NBEA: variants seen among roughly 807,000 people sequenced by gnomAD.
The protein encoded by NBEA is lysosomal-trafficking regulator 2.
NBEA carries 44 observed loss-of-function variants against 343.4 expected under a neutral mutation model. The ratio of observed to expected loss-of-function variants is 0.13; its 90% confidence interval spans 0.10 to 0.16. The LOEUF (loss-of-function observed/expected upper bound fraction) is 0.16, where lower values mean the gene tolerates loss of function less well. Ranked by LOEUF, NBEA falls within the 10% of genes least tolerant of loss-of-function variation. The pLI, the probability that NBEA is intolerant of heterozygous loss-of-function variation, is 1.00. For missense variants in NBEA, 2,555 were observed against 3,631.3 expected (o/e 0.70, Z 7.62); for synonymous variants, 1,175 against 1,238.7 (o/e 0.95, Z 1.08).
chr13:35,264,742 C>T (rs1246046420), intron 34 of NBEA, among the ~76,000 whole-genome samples: 4 of 151,708 alleles, frequency 2.6e-5, no homozygotes, highest in Non-Finnish European at 4.4e-5. Context: ...AGGAATATAC[C>T]TCAACACAAT....
At chr13:35,502,091 A>G (rs1451736533) in intron 41 of NBEA, among the ~76,000 whole-genome samples, 1 of 152,142 alleles carries the variant, frequency 6.6e-6, no homozygotes, top group African/African-American at 2.4e-5. Flanking sequence ...AGTGGAGTGG[A>G]GAGATGGACA....
At chr13:34,968,082 T>TA (rs1409643113) in intron 1 of NBEA, among the ~76,000 whole-genome samples, 2 of 152,042 alleles carry the variant, frequency 1.3e-5, no homozygotes, top group Non-Finnish European at 2.9e-5. Flanking sequence ...GTGCTACACT[T>TA]ACAATTACAG....
At chr13:35,436,703 G>A (rs1449526505) in intron 39 of NBEA, among the ~76,000 whole-genome samples, 3 of 128,674 alleles carry the variant, frequency 2.3e-5, no homozygotes, top group African/African-American at 8.8e-5. Context: ...GGGAGACTCC[G>A]TCTCAAAAAA....
chr13:35,430,037 A>C (rs905960547), intron 38 of NBEA, among the ~76,000 whole-genome samples: 4 of 152,134 alleles, frequency 2.6e-5, no homozygotes, highest in Non-Finnish European at 5.9e-5. Context: ...AGGAATCTCC[A>C]CACTGTTTTT....
intron 4 of NBEA, among the ~76,000 whole-genome samples, chr13:35,047,201 TTGTGTGTGTG>T (rs139134555): frequency 9.5e-5 from 14 of 148,068 alleles, no homozygotes; most frequent in South Asian, 8.6e-4. Context: ...TCATTTGAAA[TTGTGTGTGTG>T]TGTGTGTGTG....
At chr13:35,072,658 T>A (rs888799655) in intron 10 of NBEA, among the ~76,000 whole-genome samples, 2 of 152,098 alleles carry the variant, frequency 1.3e-5, no homozygotes, top group Non-Finnish European at 2.9e-5. Flanking sequence ...GCTTCCCAGA[T>A]TCAAGCAATT....
intron 41 of NBEA, among the ~76,000 whole-genome samples, chr13:35,525,748 T>C (rs1241868094): frequency 6.6e-6 from 1 of 152,180 alleles, no homozygotes; most frequent in Non-Finnish European, 1.5e-5. Context: ...TGCTTATAGT[T>C]GTGGAGGCTG....
At chr13:34,997,475 C>G (rs188235315) in intron 1 of NBEA, among the ~76,000 whole-genome samples, 65 of 152,242 alleles carry the variant, frequency 4.3e-4, no homozygotes, top group African/African-American at 1.5e-3. Context: ...TCTAGACCAG[C>G]AAGCTAATAT....
chr13:35,421,483 T>C (rs1163966625), intron 38 of NBEA, among the ~76,000 whole-genome samples: 1 of 152,050 alleles, frequency 6.6e-6, no homozygotes, highest in Non-Finnish European at 1.5e-5. Context: ...TATAATATAG[T>C]TATCTTAAAT....
At chr13:35,318,057 T>G (rs950181519) in intron 36 of NBEA, among the ~76,000 whole-genome samples, 2 of 152,188 alleles carry the variant, frequency 1.3e-5, no homozygotes, top group African/African-American at 2.4e-5. Context: ...TAGAAACGAT[T>G]TGACTTTCTC....
At position 35,010,605 on chromosome 13, in the gene NBEA, A is replaced by C. The variant is rs188930872; in HGVS notation, c.295-30328A>C. Among the ~76,000 whole-genome samples, 698 of 147,814 alleles carry C rather than the reference A, an allele frequency of 4.7e-3. 7 individuals carry two copies. Among genetic ancestry groups the C allele is most frequent in the African/African-American group, 0.017 (662 of 40,040 alleles). ...AAAAAAAAAAAAAAATAGATGGGCC[A>C]GGCATGGTGGCTCGTGCCTGTAATC... On this transcript the variant is annotated intron_variant, in intron 1 of 58. Transcript: ENST00000379939.
chr13:34,964,385 T>C (rs1213408030), intron 1 of NBEA, among the ~76,000 whole-genome samples: 2 of 151,988 alleles, frequency 1.3e-5, no homozygotes, highest in Non-Finnish European at 2.9e-5. Flanking sequence ...ACATGGCATG[T>C]CATAATTTGC....
At chr13:35,530,514 C>T (rs2078210520) in intron 41 of NBEA, among the ~76,000 whole-genome samples, 1 of 152,176 alleles carries the variant, frequency 6.6e-6, no homozygotes, top group South Asian at 2.1e-4. Flanking sequence ...TGGTTTAAAC[C>T]AGGGCCTTGT....
At chr13:35,248,888 G>A (rs2031589171) in intron 34 of NBEA, among the ~76,000 whole-genome samples, 1 of 152,144 alleles carries the variant, frequency 6.6e-6, no homozygotes, top group African/African-American at 2.4e-5. Flanking sequence ...GGTAGCTCAT[G>A]CCTCTAATCC....
chr13:35,612,549 G>C (rs887342374), intron 48 of NBEA, among the ~76,000 whole-genome samples: 45 of 152,080 alleles, frequency 3.0e-4, no homozygotes, highest in Non-Finnish European at 6.3e-4. Context: ...ATTCATTATA[G>C]ACACAGAATT....
chr13:35,484,274 G>GTATATATA (rs202233951), intron 41 of NBEA, among the ~76,000 whole-genome samples: 2 of 115,134 alleles, frequency 1.7e-5, no homozygotes, highest in African/African-American at 6.4e-5. Flanking sequence ...GTGTGTGTGT[G>GTATATATA]TATATATATA....
intron 41 of NBEA, among the ~76,000 whole-genome samples, chr13:35,527,796 A>G (rs1211946250): frequency 6.6e-6 from 1 of 152,120 alleles, no homozygotes; most frequent in African/African-American, 2.4e-5. Context: ...GCTCAGTAGG[A>G]GGCGGGGCTC....
At chr13:35,167,823 G>A (rs1326031813) in intron 24 of NBEA, among the ~76,000 whole-genome samples, 1 of 151,720 alleles carries the variant, frequency 6.6e-6, no homozygotes, top group East Asian at 1.9e-4. Context: ...AAAAAGAAAA[G>A]CAAAGAACAT....
intron 47 of NBEA, among the ~76,000 whole-genome samples, chr13:35,594,947 TCACACACACACACACA>T (rs71196581): frequency 1.9e-4 from 21 of 111,052 alleles, no homozygotes; most frequent in South Asian, 6.0e-4. Context: ...TTTGACATCA[TCACACACACACACACA>T]CACACACACA....
Sources: allele counts gnomAD v4.1 joint callset (sites outside exome capture counted in the v4.1 genomes callset), GRCh38; gene constraint gnomAD v4.1.1; transcripts MANE v1.5; gene names NCBI Gene and HGNC (gene_info 2026-07-23, HGNC 2026-07-21).